RAB38: variants seen among roughly 807,000 people sequenced by gnomAD.
RAB38 encodes the protein ras-related protein Rab-38.
Under a neutral mutation model 18.4 loss-of-function variants are expected in RAB38, and 15 were observed. The observed-to-expected ratio is 0.82, with a 90% confidence interval of 0.55 to 1.26. The LOEUF (loss-of-function observed/expected upper bound fraction) is 1.26. RAB38 is among the 50% of genes most tolerant of loss of function. The pLI, the probability that RAB38 is intolerant of heterozygous loss-of-function variation, is 0.00. For missense variants in RAB38, 294 were observed against 267.4 expected, an observed-to-expected ratio of 1.10 and a Z score of -0.69; for synonymous variants, 101 against 104.4, an observed-to-expected ratio of 0.97 and a Z score of 0.20.
chr11:87,841,003 C>T, the RAB38 span, among the ~76,000 whole-genome samples: 7 of 152,174 alleles, frequency 4.6e-5, no homozygotes, highest in African/African-American at 1.7e-4. Context: ...TTCCATCATT[C>T]CTGGCCCCTT....
At chr11:88,075,993 T>C in the RAB38 span, among the ~76,000 whole-genome samples, 4 of 147,306 alleles carry the variant, frequency 2.7e-5, no homozygotes, top group African/African-American at 1.0e-4. Context: ...AGGAATGAAA[T>C]AGTAAATATC....
At chr11:87,893,371 C>CATATATATATATGTGTATAT in the RAB38 span, among the ~76,000 whole-genome samples, 1 of 86,446 alleles carries the variant, frequency 1.2e-5, no homozygotes, top group African/African-American at 4.3e-5. Context: ...ATATATTTTA[C>CATATATATATATGTGTATAT]ATATATATAT....
the RAB38 span, among the ~76,000 whole-genome samples, chr11:88,053,105 CA>C: frequency 7.9e-6 from 1 of 127,110 alleles, no homozygotes. Flanking sequence ...TATATATATA[CA>C]CATATATATG....
the RAB38 span, among the ~76,000 whole-genome samples, chr11:87,945,955 T>C: frequency 6.6e-6 from 1 of 152,144 alleles, no homozygotes; most frequent in African/African-American, 2.4e-5. Flanking sequence ...TTACCCTTCA[T>C]TGTAAGTGAG....
intron 2 of RAB38, 139 bp from the exon 3 acceptor site, chr11:88,114,279 T>TA (rs1334647517): frequency 2.1e-5 from 19 of 901,218 alleles, no homozygotes; most frequent in African/African-American, 3.3e-5. Flanking sequence ...TCCCTCACTC[T>TA]TATTTGTTCC....
At chr11:88,095,462 T>C in the RAB38 span, among the ~76,000 whole-genome samples, 1 of 151,878 alleles carries the variant, frequency 6.6e-6, no homozygotes, top group South Asian at 2.1e-4. Context: ...CTCATTTGGC[T>C]TCTAGGAAGT....
At chr11:88,078,378 A>G in the RAB38 span, among the ~76,000 whole-genome samples, 1 of 152,156 alleles carries the variant, frequency 6.6e-6, no homozygotes, top group East Asian at 1.9e-4. Context: ...TATTTATCAC[A>G]ATATCTTATT....
chr11:87,952,128 C>G, the RAB38 span, among the ~76,000 whole-genome samples: 1 of 152,082 alleles, frequency 6.6e-6, no homozygotes, highest in Admixed American at 6.5e-5. Flanking sequence ...CAGGTCATTC[C>G]TGCCTGGCAC....
chr11:87,954,119 C>T, the RAB38 span, among the ~76,000 whole-genome samples: 1,968 of 152,134 alleles, frequency 0.013, 38 homozygotes, highest in African/African-American at 0.042. Flanking sequence ...TACATAAGAA[C>T]ATCCAATGAT....
chr11:87,926,594 G>A, the RAB38 span, among the ~76,000 whole-genome samples: 1 of 152,048 alleles, frequency 6.6e-6, no homozygotes, highest in South Asian at 2.1e-4. Flanking sequence ...ATGGAAGCTT[G>A]AGTCCCCAAG....
At chr11:87,974,412 T>C in the RAB38 span, among the ~76,000 whole-genome samples, 1 of 151,542 alleles carries the variant, frequency 6.6e-6, no homozygotes, top group Admixed American at 6.6e-5. Context: ...AAATAAAGGA[T>C]CATGAATGGG....
the RAB38 span, among the ~76,000 whole-genome samples, chr11:87,892,885 C>G: frequency 6.6e-6 from 1 of 151,670 alleles, no homozygotes; most frequent in African/African-American, 2.4e-5. Flanking sequence ...AGACTTTATT[C>G]ATTATTAAAA....
intron 2 of RAB38, among the ~76,000 whole-genome samples, chr11:88,119,997 C>T (rs1486870): frequency 0.89 from 135,715 of 152,208 alleles, 60,948 homozygotes; most frequent in Middle Eastern, 0.94. Flanking sequence ...TCATCATTAA[C>T]ACCTAACATG....
chr11:88,065,160 T>C, the RAB38 span, among the ~76,000 whole-genome samples: 1 of 152,246 alleles, frequency 6.6e-6, no homozygotes, highest in African/African-American at 2.4e-5. Context: ...GTTCATCTTC[T>C]AGCTCCATGT....
the RAB38 span, among the ~76,000 whole-genome samples, chr11:87,955,927 T>C: frequency 6.6e-6 from 1 of 151,724 alleles, no homozygotes; most frequent in South Asian, 2.1e-4. Context: ...ATAGAAAATA[T>C]TGTATTTTCT....
At chr11:87,958,194 ATGT>A in the RAB38 span, among the ~76,000 whole-genome samples, 2 of 152,174 alleles carry the variant, frequency 1.3e-5, no homozygotes, top group South Asian at 2.1e-4. Context: ...ATGGGGTTCT[ATGT>A]TGTTAGATGA....
chr11:88,102,520 TG>T, the RAB38 span, among the ~76,000 whole-genome samples: 1 of 152,102 alleles, frequency 6.6e-6, no homozygotes, highest in Non-Finnish European at 1.5e-5. Flanking sequence ...TTTAATCACA[TG>T]GCTATACTCA....
At chr11:88,174,023 C>T (rs1417117434) in intron 1 of RAB38, 1 of 985,274 alleles carries the variant, frequency 1.0e-6, no homozygotes, top group Non-Finnish European at 1.2e-6. Context: ...TTGGGTCCAG[C>T]ACTTATAACG....
intron 1 of RAB38, among the ~76,000 whole-genome samples, chr11:88,164,351 C>T (rs1021197252): frequency 6.6e-6 from 1 of 150,582 alleles, no homozygotes; most frequent in Non-Finnish European, 1.5e-5. Context: ...CCATTAGACA[C>T]CCCAGGAACT....
Sources: allele counts gnomAD v4.1 joint callset (sites outside exome capture counted in the v4.1 genomes callset), GRCh38; gene constraint gnomAD v4.1.1; transcripts MANE v1.5; gene names NCBI Gene and HGNC (gene_info 2026-07-23, HGNC 2026-07-21).